BRWD1: variants seen among roughly 807,000 people sequenced by gnomAD.
BRWD1 encodes bromodomain and WD repeat domain containing 1, also known as bromodomain and WD repeat-containing protein 1.
In BRWD1, 82 loss-of-function variants were observed where a neutral mutation model predicts 251.2. The ratio of observed to expected loss-of-function variants is 0.33; its 90% CI spans 0.27 to 0.39. The LOEUF (loss-of-function observed/expected upper bound fraction) is 0.39. Among genes scored for constraint, BRWD1 ranks in the 10% least tolerant of loss-of-function variants. The pLI is 1.00. For synonymous variants in BRWD1, 918 were observed against 902.8 expected (o/e 1.02, Z -0.30); for missense variants, 2,233 against 2,711.6 (o/e 0.82, Z 3.92).
chr21:39,272,782 A>AT lies in BRWD1; in HGVS notation c.1244+1591dup, dbSNP rs1034725196. On this transcript the variant is annotated intron_variant, in intron 13 of 40. Transcript: ENST00000342449. ...GCCACCATATCCGGCTAATTTTTCT[A>AT]TTTTTTTTTAGTAGAGGCAGGGTTT... Among the ~76,000 whole-genome samples, 76 of 149,128 alleles carry AT rather than the reference A, an allele frequency of 5.1e-4. 2 individuals carry two copies. The highest frequency in any genetic ancestry group is 6.4e-4 in the South Asian group (3 of 4,674).
At position 39,209,880 on chromosome 21, in the gene BRWD1, AT is replaced by A. The variant is rs1418264503; in HGVS notation, c.4197+114del. The A allele has an allele frequency of 1.0e-5, 10 of 959,814 alleles. No individual in the cohort carries two copies. In the East Asian group the frequency reaches 2.1e-4, roughly 20 times the overall value. The allele number at this position is 959,814 out of a possible 1,614,324, so 59.5% of individuals were successfully genotyped here. A position where few individuals can be genotyped will look rare whatever the true frequency, so the allele number is the denominator to read the frequency against. On this transcript the variant is annotated intron_variant, in intron 36 of 40. Transcript: ENST00000342449. ...GTCTTAATTTATTCACTTATCTTTA[AT>A]GTTCTAACCTCTATTACACAGTGGA...
At chr21:39,302,040 T>C (rs1568972135) in intron 4 of BRWD1, among the ~76,000 whole-genome samples, 1 of 143,610 alleles carries the variant, frequency 7.0e-6, no homozygotes, top group African/African-American at 2.6e-5. Flanking sequence ...TGGAGTGTAG[T>C]GGCCCCAATG....
At position 39,206,481 on chromosome 21, in the gene BRWD1, A is replaced by G. The variant is rs555586240; in HGVS notation, c.4198-207T>C. On this transcript the variant is annotated intron_variant, in intron 36 of 40. Coordinates refer to ENST00000342449, the MANE Select transcript of BRWD1 (RefSeq NM_033656.4). ...ATACATACCTCTCAGATGATAAGAA[A>G]GTAGTTTGAAGTCAAGCATCTATAT... is the stretch of plus-strand genomic sequence containing the variant. Among the ~76,000 whole-genome samples, 3 of 152,368 alleles carry G rather than the reference A, an allele frequency of 2.0e-5. No individual in the cohort carries two copies. In the East Asian group the frequency reaches 5.8e-4, roughly 29 times the overall value.
Position 39,189,510 on chromosome 21 carries a change from A to G in BRWD1, c.*6749T>C. 1.0e-6 allele frequency: 1 copy of G among 981,016 alleles called. No homozygotes were observed. 60.8% of individuals were successfully genotyped at this position (981,016 alleles called of 1,614,324 possible). ...AAAAAAAAACTAAAATCAGGTTTTTAAAAAATACTTAAGGAAATTTGAACT... is the reference window on the plus strand; with the variant it reads ...AAAAAAAAACTAAAATCAGGTTTTTGAAAAATACTTAAGGAAATTTGAACT... On this transcript the variant is annotated 3_prime_UTR_variant, in exon 41 of 41. Transcript: ENST00000342449.
intron 20 of BRWD1, 93 bp downstream of exon 20, chr21:39,250,703 A>G: frequency 1.3e-6 from 1 of 788,130 alleles, no homozygotes; most frequent in Non-Finnish European, 2.0e-6. Context: ...ACTCCACTTC[A>G]GATGAAAGTT....
At chr21:39,306,272 T>C (rs920143587) in intron 4 of BRWD1, among the ~76,000 whole-genome samples, 6 of 152,006 alleles carry the variant, frequency 3.9e-5, no homozygotes, top group African/African-American at 7.2e-5. Context: ...GGTTTCACCA[T>C]GTTGGCCAGG....
chr21:39,247,766 C>G lies in BRWD1; in HGVS notation c.2416G>C (p.Gly806Arg). The change falls in exon 21 of 41, where the codon GGT (glycine) becomes CGT (arginine). Residue 806 changes from glycine to arginine, a missense_variant. Transcript: ENST00000342449. ...TCACGCCAGCTACGATTTCTTCTAC[C>G]ATAATTTGGATATTTACGCCTACAT... ...RTCRRKYPNY[G>R]RRNRSWRELS... is the part of the protein sequence containing the mutation. The G allele has an allele frequency of 6.2e-7, 1 of 1,613,506 alleles. No homozygotes were observed. The highest frequency in any genetic ancestry group is 8.5e-7 in the Non-Finnish European group (1 of 1,179,776).
At chr21:39,241,885 T>C (rs2034016512) in intron 21 of BRWD1, among the ~76,000 whole-genome samples, 1 of 152,242 alleles carries the variant, frequency 6.6e-6, no homozygotes, top group Admixed American at 6.5e-5. Flanking sequence ...TTGTGATTAA[T>C]GATCTTTGAT....
intron 4 of BRWD1, among the ~76,000 whole-genome samples, chr21:39,305,806 G>A (rs769420894): frequency 6.6e-6 from 1 of 150,808 alleles, no homozygotes; most frequent in East Asian, 2.0e-4. Flanking sequence ...GGAGGTTGCA[G>A]TGAGCCAAGA....
At chr21:39,222,498 G>A (rs983910732) in intron 29 of BRWD1, among the ~76,000 whole-genome samples, 10 of 152,258 alleles carry the variant, frequency 6.6e-5, no homozygotes, top group African/African-American at 2.2e-4. Flanking sequence ...ACTCAAAGGC[G>A]ATTCAAAAGA....
intron 18 of BRWD1, among the ~76,000 whole-genome samples, chr21:39,258,282 G>A (rs770258257): frequency 6.6e-6 from 1 of 152,014 alleles, no homozygotes; most frequent in Non-Finnish European, 1.5e-5. Flanking sequence ...AGTACAAAAG[G>A]CTTCAGCAGT....
chr21:39,191,556 C>T lies in BRWD1; in HGVS notation c.*4703G>A. The T allele has an allele frequency of 1.0e-6, 1 of 983,328 alleles. No homozygotes were observed. The highest frequency in any genetic ancestry group is 1.2e-6 in the Non-Finnish European group (1 of 828,160). 60.9% of individuals were successfully genotyped at this position (983,328 alleles called of 1,614,324 possible). ...GAAAACTAAAGATCTGCTTGACAGG[C>T]TCATGTAATTTTTTGATTGGGATTT... On this transcript the variant is annotated 3_prime_UTR_variant, in exon 41 of 41. Transcript: ENST00000342449.
At position 39,189,923 on chromosome 21, in the gene BRWD1, CT is replaced by C; in HGVS notation, c.*6335del. On this transcript the variant is annotated 3_prime_UTR_variant, in exon 41 of 41. Transcript: ENST00000342449. ...AGTCAGTAGAATCCCACCAGTCCTA[CT>C]GCCTCAGATGAGTCTTGTTTCAGTC... is the stretch of plus-strand genomic sequence containing the variant. 2 of 985,376 alleles carry C rather than the reference CT, an allele frequency of 2.0e-6. No individual in the cohort carries two copies. The highest frequency in any genetic ancestry group is 2.4e-6 in the Non-Finnish European group (2 of 829,904). 61.0% of individuals were successfully genotyped at this position (985,376 alleles called of 1,614,324 possible).
chr21:39,198,071 CCT>C (rs2031914004), intron 40 of BRWD1, among the ~76,000 whole-genome samples: 1 of 152,104 alleles, frequency 6.6e-6, no homozygotes, highest in Admixed American at 6.5e-5. Flanking sequence ...TAACACTCAG[CCT>C]CTCTGAAACT....
intron 4 of BRWD1, among the ~76,000 whole-genome samples, chr21:39,304,789 T>A (rs1053519543): frequency 2.6e-5 from 4 of 152,114 alleles, no homozygotes; most frequent in Non-Finnish European, 5.9e-5. Context: ...GTGGCTATAT[T>A]AATGTAAGGC....
chr21:39,259,981 A>C (rs1234685608), intron 17 of BRWD1, among the ~76,000 whole-genome samples: 1 of 152,224 alleles, frequency 6.6e-6, no homozygotes, highest in Non-Finnish European at 1.5e-5. Context: ...GCAAGGGAGG[A>C]CATTTCCATC....
intron 8 of BRWD1, 68 bp downstream of exon 8, chr21:39,293,743 A>G (rs972985263): frequency 7.9e-7 from 1 of 1,266,928 alleles, no homozygotes; most frequent in Non-Finnish European, 1.1e-6. Flanking sequence ...TCTCAATTCC[A>G]AAGAAACTGT....
chr21:39,223,249 T>G (rs531913181), intron 29 of BRWD1, among the ~76,000 whole-genome samples: 28 of 152,348 alleles, frequency 1.8e-4, no homozygotes, highest in African/African-American at 6.7e-4. Flanking sequence ...CAGAAAATCC[T>G]TGTACTATTT....
chr21:39,196,064 C>A lies in BRWD1; in HGVS notation c.*195G>T. ...CCCAAAATGAAGCATATTTTGGCAC[C>A]TGTGCTGAATGCTGCTACAAAGACC... On this transcript the variant is annotated 3_prime_UTR_variant, in exon 41 of 41. Coordinates refer to ENST00000342449, the MANE Select transcript of BRWD1 (RefSeq NM_033656.4). 7.7e-7 allele frequency: 1 copy of A among 1,302,776 alleles called. No individual in the cohort carries two copies. The highest frequency in any genetic ancestry group is 3.1e-5 in the East Asian group (1 of 32,218). 80.7% of individuals were successfully genotyped at this position (1,302,776 alleles called of 1,614,324 possible). A position where few individuals can be genotyped will look rare whatever the true frequency, so the allele number is the denominator to read the frequency against.
Sources: gnomAD v4.1 joint callset for allele counts (sites outside exome capture counted in the v4.1 genomes callset) on GRCh38, gnomAD v4.1.1 for gene constraint, MANE v1.5 for transcripts, NCBI Gene and HGNC (gene_info 2026-07-23, HGNC 2026-07-21) for gene names.